The following ADISSP variants were observed in gnomAD, a reference collection of about 807,000 sequenced individuals.
ADISSP encodes adipose-secreted signaling protein.
chr20:3,755,617 G>C, the ADISSP span: 42 of 1,586,772 alleles, frequency 2.6e-5, no homozygotes, highest in East Asian at 9.5e-4. Flanking sequence ...CCTACAGCAG[G>C]AGAGGTGAGG....
the ADISSP span, among the ~76,000 whole-genome samples, chr20:3,761,624 C>T: frequency 4.1e-3 from 630 of 152,290 alleles, 9 homozygotes; most frequent in African/African-American, 0.013. Context: ...GTGTGAGCCA[C>T]CATGCCTGGC....
At chr20:3,757,817 C>CA in the ADISSP span, among the ~76,000 whole-genome samples, 3 of 152,008 alleles carry the variant, frequency 2.0e-5, no homozygotes, top group Admixed American at 2.0e-4. Context: ...TTAGTAGAGA[C>CA]GGGTTTCGAC....
chr20:3,759,039 C>T, the ADISSP span, among the ~76,000 whole-genome samples: 1 of 152,202 alleles, frequency 6.6e-6, no homozygotes, highest in Non-Finnish European at 1.5e-5. The surrounding 1 kb of genome is among the most constrained non-coding windows in gnomAD (Gnocchi z 4.6). Flanking sequence ...ATACCCTGCC[C>T]AGTGCTCTCC....
At chr20:3,755,294 G>T in the ADISSP span, 1 of 622,354 alleles carries the variant, frequency 1.6e-6, no homozygotes, top group Non-Finnish European at 2.9e-6. Context: ...TTCTGTTCAG[G>T]ACAGGGAGCA....
At chr20:3,767,682 G>A in the ADISSP span, 1 of 154,718 alleles carries the variant, frequency 6.5e-6, no homozygotes, top group Non-Finnish European at 1.4e-5. Context: ...TGCACCCCGG[G>A]GCCGGGGAGG....
chr20:3,766,318 T>G, the ADISSP span, among the ~76,000 whole-genome samples: 3 of 152,252 alleles, frequency 2.0e-5, no homozygotes, highest in Non-Finnish European at 4.4e-5. Flanking sequence ...AAGGCAAGGC[T>G]GGAGGTCAGT....
the ADISSP span, chr20:3,755,669 A>C: frequency 6.8e-7 from 1 of 1,479,266 alleles, no homozygotes; most frequent in Non-Finnish European, 9.3e-7. Flanking sequence ...AGGCCCACCC[A>C]GTTGTGCCAC....
chr20:3,760,284 C>T, the ADISSP span: 1 of 590,636 alleles, frequency 1.7e-6, no homozygotes, highest in Non-Finnish European at 3.0e-6. Flanking sequence ...GACTCAAACC[C>T]CTACCGCTCT....
chr20:3,762,898 C>CA, the ADISSP span, among the ~76,000 whole-genome samples: 1 of 133,268 alleles, frequency 7.5e-6, no homozygotes, highest in Non-Finnish European at 1.5e-5. Flanking sequence ...CTGTTTTTTT[C>CA]ACCACATCAG....
the ADISSP span, among the ~76,000 whole-genome samples, chr20:3,756,203 C>T: frequency 6.6e-6 from 1 of 152,242 alleles, no homozygotes; most frequent in African/African-American, 2.4e-5. Flanking sequence ...GCCCACAGGC[C>T]TGGCACCAGC....
chr20:3,767,480 C>T, the ADISSP span: 1 of 152,514 alleles, frequency 6.6e-6, no homozygotes, highest in African/African-American at 2.4e-5. Context: ...CCTGACATCA[C>T]TCTAGTTCAG....
chr20:3,761,434 C>T, the ADISSP span, among the ~76,000 whole-genome samples: 3,415 of 151,580 alleles, frequency 0.023, 50 homozygotes, highest in Middle Eastern at 0.034. Context: ...CTCCTGGGTT[C>T]GAGCGACTCT....
chr20:3,754,213 G>C, the ADISSP span: 2 of 1,544,254 alleles, frequency 1.3e-6, no homozygotes, highest in East Asian at 4.5e-5. Context: ...CACCCATGCG[G>C]CCCACTAAGG....
At chr20:3,765,519 T>G in the ADISSP span, among the ~76,000 whole-genome samples, 951 of 152,300 alleles carry the variant, frequency 6.2e-3, 38 homozygotes, top group East Asian at 0.12. Context: ...TGCCTGAAGC[T>G]CTGTGACAAT....
the ADISSP span, among the ~76,000 whole-genome samples, chr20:3,762,259 G>A: frequency 4.6e-5 from 7 of 151,000 alleles, no homozygotes; most frequent in Admixed American, 1.3e-4. Context: ...GTGACACAGC[G>A]AGACTCTGTC....
the ADISSP span, chr20:3,760,174 C>T: frequency 2.8e-5 from 35 of 1,269,832 alleles, no homozygotes; most frequent in Non-Finnish European, 3.6e-5. Context: ...GCTCCAGGGA[C>T]ACCAGCGGGA....
the ADISSP span, among the ~76,000 whole-genome samples, chr20:3,756,323 T>C: frequency 2.6e-5 from 4 of 152,334 alleles, no homozygotes; most frequent in Middle Eastern, 6.8e-3. Flanking sequence ...GCAATTTCTG[T>C]TGTTCATTCA....
the ADISSP span, chr20:3,767,785 A>T: frequency 3.9e-5 from 6 of 152,282 alleles, no homozygotes; most frequent in East Asian, 1.9e-4. Context: ...TCCCGTCGGC[A>T]CGCCCCCGCC....
chr20:3,754,386 C>T, the ADISSP span: 32 of 1,604,616 alleles, frequency 2.0e-5, no homozygotes, highest in Non-Finnish European at 2.6e-5. Flanking sequence ...CCAGGAGCCT[C>T]ACGCTCTCAC....
Sources: gnomAD v4.1 joint callset for allele counts (sites outside exome capture counted in the v4.1 genomes callset) on GRCh38, gnomAD v4.1.1 for gene constraint, Gnocchi (gnomAD v3.1) non-coding constraint, MANE v1.5 for transcripts, NCBI Gene and HGNC (gene_info 2026-07-23, HGNC 2026-07-21) for gene names.